Variants in TRIM4 observed in about 807,000 individuals in gnomAD.
The protein encoded by TRIM4 is E3 ubiquitin-protein ligase TRIM4.
A neutral mutation model predicts 33.7 loss-of-function variants in TRIM4; 29 were observed. The ratio of observed to expected loss-of-function variants is 0.86; its 90% CI spans 0.64 to 1.17. The LOEUF (loss-of-function observed/expected upper bound fraction) is 1.17, where lower values mean the gene tolerates loss of function less well. TRIM4 is among the 50% of genes most tolerant of loss of function. The pLI is 0.00. For synonymous variants in TRIM4, 224 were observed against 233.0 expected, an observed-to-expected ratio of 0.96 and a Z score of 0.35; for missense variants, 554 against 593.7, an observed-to-expected ratio of 0.93 and a Z score of 0.69.
At chr7:99,907,898 C>G (rs1819344980) in intron 3 of TRIM4, among the ~76,000 whole-genome samples, 1 of 152,070 alleles carries the variant, frequency 6.6e-6, no homozygotes, top group South Asian at 2.1e-4. Context: ...ATCCGATACT[C>G]AACATGAATT....
chr7:99,908,372 C>G (rs1374167822), intron 3 of TRIM4: 2 of 485,224 alleles, frequency 4.1e-6, no homozygotes, highest in Non-Finnish European at 3.6e-6. Context: ...ATCAACTTAT[C>G]TCCTATGAGC....
At chr7:99,903,737 G>T in intron 3 of TRIM4, 139 bp from the exon 4 acceptor site, 2 of 903,502 alleles carry the variant, frequency 2.2e-6, no homozygotes, top group East Asian at 2.6e-5. Flanking sequence ...CCAACAGATT[G>T]ACAGAATCTG....
At position 99,892,151 on chromosome 7, in the gene TRIM4, G is replaced by T. The variant is rs760403674; in HGVS notation, c.*12C>A. On this transcript the variant is annotated 3_prime_UTR_variant, in exon 6 of 6. Coordinates refer to ENST00000349062, the MANE Select transcript of TRIM4 (RefSeq NM_033091.3). The stretch of plus-strand genomic sequence containing the variant: ...CTACAGGGAAGGAGTTTTGGTCAGG[G>T]GAAGAAAAGCCTCATTTCCTATCAG... The T allele has an allele frequency of 6.3e-7, 1 of 1,588,408 alleles. No homozygotes were observed. Among genetic ancestry groups the T allele is most frequent in the Non-Finnish European group, 8.6e-7 (1 of 1,168,722 alleles).
Position 99,919,210 on chromosome 7 carries a change from G to C in TRIM4, c.192C>G (p.Asn64Lys), listed in dbSNP as rs1161023060. 1.3e-6 allele frequency: 2 copies of C among 1,515,232 alleles called. No homozygotes were observed. Among genetic ancestry groups the C allele is most frequent in the Non-Finnish European group, 8.8e-7 (1 of 1,132,462 alleles). The allele number at this position is 1,515,232 out of a possible 1,614,324, so 93.9% of individuals were successfully genotyped here. A position where few individuals can be genotyped will look rare whatever the true frequency, so the allele number is the denominator to read the frequency against. Residue 64 changes from asparagine (N) to lysine (K), a missense_variant, in exon 1 of 6, where the codon AAC becomes AAG. Asn to Lys is a moderately conservative substitution (Grantham distance 94). Coordinates refer to ENST00000349062, the MANE Select transcript of TRIM4 (RefSeq NM_033091.3). Reference protein sequence around the residue: ...HPSAPAALRPNWALARLTEKT... With the variant: ...HPSAPAALRPKWALARLTEKT... Reference sequence around the variant, plus strand: ...TCTCAGTCAGCCTGGCCAGGGCCCAGTTGGGTCGCAGCGCGGCGGGCGCCG... The same window carrying C: ...TCTCAGTCAGCCTGGCCAGGGCCCACTTGGGTCGCAGCGCGGCGGGCGCCG...
intron 5 of TRIM4, among the ~76,000 whole-genome samples, chr7:99,899,128 C>A (rs946966085): frequency 6.6e-5 from 10 of 152,124 alleles, no homozygotes; most frequent in Middle Eastern, 3.2e-3. Flanking sequence ...CTGAGAATAA[C>A]CCTATGGTCT....
rs1819368336 is a variant in TRIM4 at position 99,908,782 on chromosome 7, T to G, written c.520A>C (p.Ser174Arg). 1 of 1,614,064 alleles carries G rather than the reference T, an allele frequency of 6.2e-7. No homozygotes were observed. Among genetic ancestry groups the G allele is most frequent in the South Asian group, 1.1e-5 (1 of 91,090 alleles). ...TTGTGCAGCTTTGAAAACTCCGTGC[T>G]GATTCTCATTCGCTGACTCTTTATC... ...DKIKSQRMRISTEFSKLHNFL... is the reference protein window; with the variant it reads ...DKIKSQRMRIRTEFSKLHNFL... The change falls in exon 3 of 6, where the codon AGC becomes CGC. Residue 174 changes from serine (S) to arginine (R), a missense_variant. Around this residue, in one of 3 missense-constraint regions of TRIM4, gnomAD observed 31 missense variants for 54.8 expected, o/e 0.57. Coordinates refer to ENST00000349062, the MANE Select transcript of TRIM4 (RefSeq NM_033091.3).
Position 99,916,786 on chromosome 7 carries a change from C to CA in TRIM4, c.393+2222dup, listed in dbSNP as rs771064839. 8.3e-5 allele frequency: 65 copies of CA among 779,428 alleles called. 1 individual carries two copies. Among genetic ancestry groups the CA allele is most frequent in the Admixed American group, 2.9e-4 (17 of 58,670 alleles). The allele number at this position is 779,428 out of a possible 1,614,324, so 48.3% of individuals were successfully genotyped here. A position where few individuals can be genotyped will look rare whatever the true frequency, so the allele number is the denominator to read the frequency against. On this transcript the variant is annotated intron_variant, in intron 1 of 5. Coordinates refer to ENST00000349062, the MANE Select transcript of TRIM4 (RefSeq NM_033091.3). ...GGATGTCAAAGTTACCTGTCTAAAA[C>CA]AAAAAAAACGATCATATCATTCCCT...
chr7:99,909,458 C>G (rs2151649606), intron 2 of TRIM4, 107 bp downstream of exon 2: 1 of 863,788 alleles, frequency 1.2e-6, no homozygotes, highest in Admixed American at 2.4e-5. Context: ...ATCCAAGACT[C>G]TACGTGAACT....
At chr7:99,909,729 G>GTTTTTTTTTTTTTTTTTTTT in intron 1 of TRIM4, 69 bp from the exon 2 acceptor site, 1 of 723,230 alleles carries the variant, frequency 1.4e-6, no homozygotes, top group Non-Finnish European at 2.0e-6. Flanking sequence ...TTTTCTTTTT[G>GTTTTTTTTTTTTTTTTTTTT]TTTTTTTTTT....
In TRIM4 at chr7:99,890,693, G is replaced by A. The variant is rs1818873391; in HGVS notation, c.*1470C>T. On this transcript the variant is annotated 3_prime_UTR_variant, in exon 6 of 6. Coordinates refer to ENST00000349062, the MANE Select transcript of TRIM4 (RefSeq NM_033091.3). Reference sequence around the variant, plus strand: ...TTGAGTACCCATGGACACAAAAAAGGGAACAACAGACACCAGGGACTACTT... The same window carrying A: ...TTGAGTACCCATGGACACAAAAAAGAGAACAACAGACACCAGGGACTACTT... 6.6e-6 allele frequency: 1 copy of A among 151,962 alleles called. No individual in the cohort carries two copies. Among genetic ancestry groups the A allele is most frequent in the Non-Finnish European group, 1.5e-5 (1 of 68,020 alleles). The allele number at this position is 151,962 out of a possible 1,614,324, so 9.4% of individuals were successfully genotyped here.
intron 3 of TRIM4, among the ~76,000 whole-genome samples, 190 bp from the exon 4 acceptor site, chr7:99,903,788 T>C (rs904189052): frequency 1.3e-5 from 2 of 152,172 alleles, no homozygotes; most frequent in African/African-American, 4.8e-5. Flanking sequence ...TATTCGACAA[T>C]GCTGCCTGCG....
chr7:99,894,678 AAAAAAG>A (rs1256191791), intron 5 of TRIM4, among the ~76,000 whole-genome samples: 1 of 151,568 alleles, frequency 6.6e-6, no homozygotes, highest in African/African-American at 2.4e-5. Context: ...CCCCCAAAAA[AAAAAAG>A]AAAAGAAAAG....
At chr7:99,903,337 C>T in intron 4 of TRIM4, 22 bp from the exon 5 acceptor site, 1 of 1,569,050 alleles carries the variant, frequency 6.4e-7, no homozygotes. Flanking sequence ...GAGAAGACTG[C>T]TCTTAGGGGA....
Position 99,919,408 on chromosome 7 carries a change from T to A in TRIM4, c.-7A>T. 6.5e-7 allele frequency: 1 copy of A among 1,531,540 alleles called. No homozygotes were observed. Among genetic ancestry groups the A allele is most frequent in the South Asian group, 1.2e-5 (1 of 81,534 alleles). The allele number at this position is 1,531,540 out of a possible 1,614,324, so 94.9% of individuals were successfully genotyped here. A position where few individuals can be genotyped will look rare whatever the true frequency, so the allele number is the denominator to read the frequency against. On this transcript the variant is annotated 5_prime_UTR_variant, in exon 1 of 6. Coordinates refer to ENST00000349062, the MANE Select transcript of TRIM4 (RefSeq NM_033091.3). The stretch of plus-strand genomic sequence containing the variant: ...GGATGTCCTCAGCTTCCATGCTGCT[T>A]CCCTGCCGCGGAGACGGAGTCCGAC...
intron 5 of TRIM4, chr7:99,901,154 T>C (rs571387857): frequency 6.6e-6 from 1 of 152,306 alleles, no homozygotes; most frequent in South Asian, 2.1e-4. Flanking sequence ...TCTGTGTATG[T>C]TTCATTTTTT....
intron 1 of TRIM4, among the ~76,000 whole-genome samples, chr7:99,914,967 A>G (rs1014482697): frequency 6.6e-6 from 1 of 151,636 alleles, no homozygotes. Context: ...CCACCGCCGC[A>G]CCTAGCTGAT....
At position 99,892,061 on chromosome 7, in the gene TRIM4, G is replaced by T. The variant is rs1435304754; in HGVS notation, c.*102C>A. 2.1e-5 allele frequency: 22 copies of T among 1,057,618 alleles called. No homozygotes were observed. The highest frequency in any genetic ancestry group is 2.8e-5 in the Admixed American group (1 of 36,276). The allele number at this position is 1,057,618 out of a possible 1,614,324, so 65.5% of individuals were successfully genotyped here. On this transcript the variant is annotated 3_prime_UTR_variant, in exon 6 of 6. Transcript: ENST00000349062. ...GTACCGTTAGGGAGACCCAGAAGAT[G>T]GACCATCCAGGATAGAGACATGAAG... is the stretch of plus-strand genomic sequence containing the variant.
intron 3 of TRIM4, among the ~76,000 whole-genome samples, chr7:99,906,328 T>C (rs1308193740): frequency 2.6e-5 from 4 of 152,042 alleles, no homozygotes; most frequent in Non-Finnish European, 5.9e-5. Context: ...GTCAAGCTTA[T>C]GATTTATACA....
chr7:99,919,377 C>T lies in TRIM4; in HGVS notation c.25G>A (p.Glu9Lys). The T allele has an allele frequency of 6.3e-7, 1 of 1,574,950 alleles. No homozygotes were observed. The change falls in exon 1 of 6, where the codon GAG becomes AAG. Residue 9 changes from glutamate (E) to lysine (K), a missense_variant. This residue lies in a region of TRIM4 where 233 missense variants were observed against 203.1 expected (regional missense o/e 1.15). Transcript: ENST00000349062. ...TCCAGGCAGATGGGGCAGGTCAACT[C>T]CTCCTGGATGTCCTCAGCTTCCATG... MEAEDIQE[E>K]LTCPICLDYF... is the part of the protein sequence containing the mutation.
Sources: gnomAD v4.1 joint callset for allele counts (sites outside exome capture counted in the v4.1 genomes callset) on GRCh38, gnomAD v4.1.1 for gene constraint, gnomAD v4.1.1 regional missense constraint, MANE v1.5 for transcripts, NCBI Gene and HGNC (gene_info 2026-07-23, HGNC 2026-07-21) for gene names.